Variants in ACO1 observed in about 807,000 individuals in gnomAD.
The protein encoded by ACO1 is aconitase 1, also known as cytoplasmic aconitate hydratase.
Under a neutral mutation model 105.1 loss-of-function variants are expected in ACO1, and 78 were observed. That is an observed-to-expected ratio of 0.74 (90% confidence interval 0.62 to 0.90). The LOEUF (loss-of-function observed/expected upper bound fraction) is 0.90. Among genes scored for constraint, ACO1 ranks in the 40% least tolerant of loss-of-function variants. ACO1 has a pLI of 0.00. For missense variants in ACO1, 965 were observed against 1,111.1 expected (o/e 0.87, Z 1.87); for synonymous variants, 364 against 397.4 (o/e 0.92, Z 1.00).
intron 7 of ACO1, among the ~76,000 whole-genome samples, chr9:32,420,102 C>A (rs1821939318): frequency 6.6e-6 from 1 of 152,212 alleles, no homozygotes; most frequent in African/African-American, 2.4e-5. Context: ...TGGCAGAATT[C>A]CATATTACCA....
In ACO1 at chr9:32,407,247, T is replaced by C; in HGVS notation, c.98-14T>C. 1 of 1,613,438 alleles carries C rather than the reference T, an allele frequency of 6.2e-7. No individual in the cohort carries two copies. Among genetic ancestry groups the C allele is most frequent in the East Asian group, 2.2e-5 (1 of 44,888 alleles). ...CTCACAGGTTTTGTTTATTTTGTCA[T>C]CCTTAACTCTTAGGGCGCTTACCAT... On this transcript the variant is annotated splice_polypyrimidine_tract_variant and intron_variant, in intron 2 of 20. Coordinates refer to ENST00000309951, the MANE Select transcript of ACO1 (RefSeq NM_002197.3).
intron 1 of ACO1, among the ~76,000 whole-genome samples, chr9:32,385,768 A>G (rs1407459368): frequency 1.3e-5 from 2 of 152,232 alleles, no homozygotes; most frequent in East Asian, 3.8e-4. Context: ...AATGAAAAAA[A>G]GCAAGTAACA....
chr9:32,449,490 T>C (rs1375194734), intron 20 of ACO1, among the ~76,000 whole-genome samples: 2 of 152,100 alleles, frequency 1.3e-5, no homozygotes, highest in Non-Finnish European at 2.9e-5. Flanking sequence ...GTGAAAATGA[T>C]AGATCCCTAG....
At chr9:32,421,330 G>A (rs1324529992) in intron 8 of ACO1, among the ~76,000 whole-genome samples, 1 of 152,058 alleles carries the variant, frequency 6.6e-6, no homozygotes, top group Admixed American at 6.5e-5. Context: ...CTGCCTATGG[G>A]GTACTTGCTG....
chr9:32,385,689 C>T (rs943090098), intron 1 of ACO1, among the ~76,000 whole-genome samples: 3 of 152,210 alleles, frequency 2.0e-5, no homozygotes, highest in Admixed American at 6.5e-5. Context: ...GCTGCTTCTG[C>T]AGTCTGTTGC....
In ACO1 at chr9:32,433,762, C is replaced by T. The variant is rs1563944444; in HGVS notation, c.1886C>T (p.Pro629Leu). The T allele has an allele frequency of 6.2e-7, 1 of 1,612,842 alleles. No homozygotes were observed. The highest frequency in any genetic ancestry group is 8.5e-7 in the Non-Finnish European group (1 of 1,179,750). Reference sequence around the variant, plus strand: ...GAAAGCTGGAATGCCTTAGCAACCCCATCAGATAAGCTGTTTTTCTGGAAT... The same window carrying T: ...GAAAGCTGGAATGCCTTAGCAACCCTATCAGATAAGCTGTTTTTCTGGAAT... The part of the protein sequence containing the change: ...VNESWNALAT[P>L]SDKLFFWNSK... The change falls in exon 16 of 21, where the codon CCA (proline) becomes CTA (leucine). Residue 629 changes from proline to leucine, a missense_variant. Coordinates refer to ENST00000309951, the MANE Select transcript of ACO1 (RefSeq NM_002197.3).
chr9:32,426,592 C>T (rs776907898), intron 11 of ACO1, among the ~76,000 whole-genome samples: 13 of 152,302 alleles, frequency 8.5e-5, no homozygotes, highest in African/African-American at 9.6e-5. Context: ...GAAGCAGACA[C>T]GGGCATTAGG....
intron 19 of ACO1, 142 bp downstream of exon 19, chr9:32,440,729 T>C: frequency 3.7e-6 from 4 of 1,071,516 alleles, no homozygotes; most frequent in Non-Finnish European, 5.2e-6. Context: ...ATTCCTGGCC[T>C]GCTTCTTGGT....
intron 19 of ACO1, among the ~76,000 whole-genome samples, chr9:32,447,969 G>T (rs1822658171): frequency 6.6e-6 from 1 of 152,166 alleles, no homozygotes; most frequent in East Asian, 1.9e-4. Context: ...CCCACCAGCT[G>T]CCAGCCAGAG....
intron 1 of ACO1, among the ~76,000 whole-genome samples, chr9:32,395,366 C>T (rs1283329596): frequency 1.3e-5 from 2 of 152,164 alleles, no homozygotes; most frequent in Non-Finnish European, 2.9e-5. Flanking sequence ...ATCCCAGCGA[C>T]TCCAGAGGCT....
intron 1 of ACO1, among the ~76,000 whole-genome samples, chr9:32,396,131 A>G (rs920676307): frequency 6.6e-6 from 1 of 152,266 alleles, no homozygotes; most frequent in Non-Finnish European, 1.5e-5. Context: ...TAATAATGAA[A>G]TTCAGGGAAA....
intron 4 of ACO1, among the ~76,000 whole-genome samples, chr9:32,416,938 C>T (rs1338797608): frequency 6.6e-6 from 1 of 152,162 alleles, no homozygotes; most frequent in Non-Finnish European, 1.5e-5. Context: ...CTCTGAGCGC[C>T]CACAACGTAA....
chr9:32,429,616 G>A, intron 13 of ACO1, 113 bp downstream of exon 13: 1 of 920,062 alleles, frequency 1.1e-6, no homozygotes, highest in Non-Finnish European at 1.7e-6. Flanking sequence ...GTGGTTTAGA[G>A]TATGATCTTT....
chr9:32,408,649 A>G lies in ACO1; in HGVS notation c.402A>G (p.Arg134=). The G allele has an allele frequency of 6.2e-7, 1 of 1,613,952 alleles. No homozygotes were observed. The highest frequency in any genetic ancestry group is 8.5e-7 in the Non-Finnish European group (1 of 1,179,950). Residue 134 remains arginine, a splice_region_variant and synonymous_variant, in exon 4 of 21, where the codon AGA becomes AGG. Coordinates refer to ENST00000309951, the MANE Select transcript of ACO1 (RefSeq NM_002197.3). ...ATTCCATCCAGGTTGATTTCAACAGAAGGTGAGAGATTAAAACGAATACCT... is the reference window on the plus strand; with the variant it reads ...ATTCCATCCAGGTTGATTTCAACAGGAGGTGAGAGATTAAAACGAATACCT... ...IDHSIQVDFN[R]RADSLQKNQD... is the part of the protein sequence containing the mutation.
At position 32,425,881 on chromosome 9, in the gene ACO1, A is replaced by T. The variant is rs1257873430; in HGVS notation, c.1232A>T (p.Asp411Val). The T allele has an allele frequency of 6.2e-7, 1 of 1,613,672 alleles. No homozygotes were observed. The highest frequency in any genetic ancestry group is 8.5e-7 in the Non-Finnish European group (1 of 1,179,804). ...CAAGTTGCTCCTGAACATCATAATG[A>T]CCATAAGACCTTTATCTATGATAAC... ...GFQVAPEHHN[D>V]HKTFIYDNTE... The change falls in exon 11 of 21, where the codon GAC (aspartate) becomes GTC (valine). Residue 411 changes from aspartate (D) to valine (V), a missense_variant. By Grantham distance (152) the Asp-to-Val change is radical. Transcript: ENST00000309951.
At position 32,450,615 on chromosome 9, in the gene ACO1, TTCTCTCCCCTTTTCCTTC is replaced by T. The variant is rs1373630944; in HGVS notation, c.*505_*522del. On this transcript the variant is annotated 3_prime_UTR_variant, in exon 21 of 21. Coordinates refer to ENST00000309951, the MANE Select transcript of ACO1 (RefSeq NM_002197.3). ...TTCAAATCAGAGCAGTGATTCTCTC[TTCTCTCCCCTTTTCCTTC>T]AGAGTGAATCATCCAGACTCCTCAT... 4 of 165,144 alleles carry T rather than the reference TTCTCTCCCCTTTTCCTTC, an allele frequency of 2.4e-5. No individual in the cohort carries two copies. The highest frequency in any genetic ancestry group is 1.2e-4 in the Admixed American group (2 of 16,412). The allele number at this position is 165,144 out of a possible 1,614,324, so 10.2% of individuals were successfully genotyped here. A position where few individuals can be genotyped will look rare whatever the true frequency, so the allele number is the denominator to read the frequency against.
rs1163308394 is a variant in ACO1, at chr9:32,423,362, G to C, written c.1014G>C (p.Gln338His). ...EKLKYIKKYL[Q>H]AVGMFRDFND... ...TAAAGTATATTAAAAAATATCTTCA[G>C]GCTGTAGGAATGTTTCGAGATTTCA... Residue 338 changes from glutamine to histidine, a missense_variant, in exon 9 of 21, where the codon CAG becomes CAC. Physicochemically the swap from Gln to His is conservative, Grantham distance 24. Coordinates refer to ENST00000309951, the MANE Select transcript of ACO1 (RefSeq NM_002197.3). 6.3e-7 allele frequency: 1 copy of C among 1,595,810 alleles called. No individual in the cohort carries two copies.
At chr9:32,426,478 G>GTACATA (rs1197051729) in intron 11 of ACO1, among the ~76,000 whole-genome samples, 2 of 152,124 alleles carry the variant, frequency 1.3e-5, no homozygotes, top group Non-Finnish European at 2.9e-5. Context: ...TACATATGTG[G>GTACATA]TTTCCCTACT....
intron 7 of ACO1, among the ~76,000 whole-genome samples, chr9:32,419,891 A>G (rs1289662367): frequency 6.6e-6 from 1 of 152,226 alleles, no homozygotes; most frequent in Non-Finnish European, 1.5e-5. Context: ...AATGATCACA[A>G]ACATAATTTT....
Sources: gnomAD v4.1 joint callset for allele counts (sites outside exome capture counted in the v4.1 genomes callset) on GRCh38, gnomAD v4.1.1 for gene constraint, MANE v1.5 for transcripts, NCBI Gene and HGNC (gene_info 2026-07-23, HGNC 2026-07-21) for gene names.